RAMP1: variants seen among roughly 807,000 people sequenced by gnomAD.
RAMP1 encodes receptor activity-modifying protein 1.
RAMP1 carries 7 observed loss-of-function variants against 8.2 expected under a neutral mutation model. The ratio of observed to expected loss-of-function variants is 0.85; its 90% CI spans 0.49 to 1.60. RAMP1 has a LOEUF of 1.60. Among genes scored for constraint, RAMP1 ranks in the 40% most tolerant of loss-of-function variants. The pLI is 0.00. For missense variants in RAMP1, 192 were observed against 202.4 expected, an observed-to-expected ratio of 0.95 and a Z score of 0.31; for synonymous variants, 92 against 84.7, an observed-to-expected ratio of 1.09 and a Z score of -0.47.
intron 2 of RAMP1, among the ~76,000 whole-genome samples, chr2:237,898,970 C>A (rs193044129): frequency 6.6e-6 from 1 of 152,266 alleles, no homozygotes; most frequent in East Asian, 1.9e-4. Flanking sequence ...GAGAAGCCAG[C>A]CCTGGCTGCC....
intron 1 of RAMP1, among the ~76,000 whole-genome samples, chr2:237,873,613 C>T (rs546526619): frequency 2.0e-5 from 3 of 152,318 alleles, no homozygotes; most frequent in South Asian, 2.1e-4. Context: ...CTTAACACGC[C>T]GAGGGCTGAG....
At chr2:237,886,525 C>T (rs1450922051) in intron 2 of RAMP1, among the ~76,000 whole-genome samples, 6 of 152,162 alleles carry the variant, frequency 3.9e-5, no homozygotes. Context: ...TGAGGACCCA[C>T]AGAGAGGAGC....
chr2:237,908,345 T>C (rs2062673453), intron 2 of RAMP1, among the ~76,000 whole-genome samples: 1 of 150,672 alleles, frequency 6.6e-6, no homozygotes, highest in Non-Finnish European at 1.5e-5. Flanking sequence ...CCCTCTTCCC[T>C]GTGGCAAACT....
chr2:237,859,739 C>T lies in RAMP1; in HGVS notation c.52+12C>T. The T allele has an allele frequency of 6.6e-7, 1 of 1,507,964 alleles. No individual in the cohort carries two copies. Among genetic ancestry groups the T allele is most frequent in the Non-Finnish European group, 8.9e-7 (1 of 1,128,712 alleles). The allele number at this position is 1,507,964 out of a possible 1,614,324, so 93.4% of individuals were successfully genotyped here. ...CTGGCTGCTCCTGGGTGAGTAGGTC[C>T]AGGGGTCCCGGCCGAGCTCCCTTCC... is the stretch of plus-strand genomic sequence containing the variant. On this transcript the variant is annotated intron_variant, in intron 1 of 2. Coordinates refer to ENST00000254661, the MANE Select transcript of RAMP1 (RefSeq NM_005855.4).
intron 2 of RAMP1, among the ~76,000 whole-genome samples, chr2:237,910,844 A>G (rs1035703732): frequency 6.6e-6 from 1 of 151,462 alleles, no homozygotes; most frequent in Admixed American, 6.6e-5. Flanking sequence ...CACATGCAGA[A>G]TAACACAGTT....
intron 2 of RAMP1, among the ~76,000 whole-genome samples, chr2:237,883,123 G>A (rs1189124984): frequency 1.3e-5 from 2 of 152,184 alleles, no homozygotes; most frequent in Non-Finnish European, 2.9e-5. Flanking sequence ...AGGCTGGCAT[G>A]GAGGCCAGGG....
At chr2:237,880,869 CTGAG>C (rs1278589102) in intron 2 of RAMP1, among the ~76,000 whole-genome samples, 2 of 152,240 alleles carry the variant, frequency 1.3e-5, no homozygotes, top group African/African-American at 4.8e-5. Context: ...TAGTGTTTGA[CTGAG>C]TAACTGGGCA....
chr2:237,860,308 A>ACACTTCCAT (rs1257651942), intron 1 of RAMP1, among the ~76,000 whole-genome samples: 92 of 152,336 alleles, frequency 6.0e-4, no homozygotes, highest in Non-Finnish European at 5.0e-4. Context: ...CCTTTTCGGG[A>ACACTTCCAT]CACTTCCATC....
intron 1 of RAMP1, among the ~76,000 whole-genome samples, chr2:237,867,398 C>T (rs1381376762): frequency 6.7e-6 from 1 of 149,156 alleles, no homozygotes; most frequent in Non-Finnish European, 1.5e-5. Flanking sequence ...GTGATCCACA[C>T]AGTTCAGAGC....
intron 1 of RAMP1, among the ~76,000 whole-genome samples, chr2:237,863,021 C>G (rs138679526): frequency 3.9e-5 from 6 of 152,164 alleles, no homozygotes; most frequent in African/African-American, 1.4e-4. Flanking sequence ...TGACCCATAA[C>G]GTTTGAGATG....
rs374749100 is a variant in RAMP1, at chr2:237,877,260, C to G, written c.89C>G (p.Ala30Gly). 76 of 1,613,924 alleles carry G rather than the reference C, an allele frequency of 4.7e-5. No individual in the cohort carries two copies. Among genetic ancestry groups the G allele is most frequent in the Admixed American group, 1.0e-4 (6 of 60,010 alleles). ...TTCATGACCACTGCCTGCCAGGAGG[C>G]TAACTACGGTGCCCTCCTCCGGGAG... ...HLFMTTACQE[A>G]NYGALLRELC... The change falls in exon 2 of 3, where the codon GCT (alanine) becomes GGT (glycine). Residue 30 changes from alanine to glycine, a missense_variant. Transcript: ENST00000254661. The surrounding 1 kb of genome is among the most constrained non-coding windows in gnomAD (Gnocchi z 4.4).
At chr2:237,864,022 G>C (rs371742576) in intron 1 of RAMP1, among the ~76,000 whole-genome samples, 7 of 152,186 alleles carry the variant, frequency 4.6e-5, no homozygotes, top group East Asian at 1.9e-4. Context: ...AGACCCTCAG[G>C]GTACGTTAGT....
chr2:237,898,290 C>G (rs1171045285), intron 2 of RAMP1, among the ~76,000 whole-genome samples: 1 of 152,174 alleles, frequency 6.6e-6, no homozygotes, highest in Admixed American at 6.5e-5. Flanking sequence ...CAAAGCATTC[C>G]TGTCTCAGCA....
At chr2:237,898,764 G>T (rs2062568983) in intron 2 of RAMP1, among the ~76,000 whole-genome samples, 1 of 152,210 alleles carries the variant, frequency 6.6e-6, no homozygotes. Context: ...CCAGGGCCCG[G>T]GCTGAGGCCT....
intron 2 of RAMP1, among the ~76,000 whole-genome samples, chr2:237,895,344 C>T (rs1048815746): frequency 2.6e-5 from 4 of 152,174 alleles, no homozygotes; most frequent in Non-Finnish European, 5.9e-5. Context: ...GAGTTCTCAC[C>T]ACGCTGCTGC....
Position 237,865,263 on chromosome 2 carries a change from G to C in RAMP1, c.52+5536G>C, listed in dbSNP as rs1317830214. On this transcript the variant is annotated intron_variant, in intron 1 of 2. Transcript: ENST00000254661. This position sits in a 1 kb window ranked among gnomAD's most constrained non-coding sequence, Gnocchi z 4.2. Reference sequence around the variant, plus strand: ...GTAGGGAGGGCAGGGCAGGGGAGAAGAGAGGAGAGGAGGGGAGGGGAGAGC... The same window carrying C: ...GTAGGGAGGGCAGGGCAGGGGAGAACAGAGGAGAGGAGGGGAGGGGAGAGC... Among the ~76,000 whole-genome samples, 1 of 142,520 alleles carries C rather than the reference G, an allele frequency of 7.0e-6. No individual in the cohort carries two copies. Among genetic ancestry groups the C allele is most frequent in the Non-Finnish European group, 1.5e-5 (1 of 65,474 alleles). The allele number at this position is 142,520 out of a possible 152,430, so 93.5% of individuals were successfully genotyped here. A position where few individuals can be genotyped will look rare whatever the true frequency, so the allele number is the denominator to read the frequency against.
chr2:237,863,014 C>T (rs2062147085), intron 1 of RAMP1, among the ~76,000 whole-genome samples: 1 of 152,162 alleles, frequency 6.6e-6, no homozygotes. Context: ...CATCATGTGA[C>T]CCATAACGTT....
intron 2 of RAMP1, among the ~76,000 whole-genome samples, chr2:237,881,270 G>A (rs1174920566): frequency 6.6e-6 from 1 of 152,176 alleles, no homozygotes; most frequent in East Asian, 1.9e-4. Context: ...CAGCTGTATA[G>A]TACTCCGCCG....
chr2:237,878,020 C>T lies in RAMP1; in HGVS notation c.191+658C>T, dbSNP rs370295622. On this transcript the variant is annotated intron_variant, in intron 2 of 2. Transcript: ENST00000254661. This position sits in a 1 kb window ranked among gnomAD's most constrained non-coding sequence, Gnocchi z 5.7. ...CCAGGCTCCTCTGCCTCCAGAGCGG[C>T]GATCAGAACTCGGCATGTCCGCAAT... The T allele has an allele frequency of 1.4e-5, 14 of 985,322 alleles. No homozygotes were observed. In the East Asian group the frequency reaches 3.4e-4, roughly 24 times the overall value. 61.0% of individuals were successfully genotyped at this position (985,322 alleles called of 1,614,324 possible). A position where few individuals can be genotyped will look rare whatever the true frequency, so the allele number is the denominator to read the frequency against.
Sources: allele counts gnomAD v4.1 joint callset (sites outside exome capture counted in the v4.1 genomes callset), GRCh38; gene constraint gnomAD v4.1.1; non-coding constraint Gnocchi (gnomAD v3.1); transcripts MANE v1.5; gene names NCBI Gene and HGNC (gene_info 2026-07-23, HGNC 2026-07-21).